The following MBIP variants were observed in gnomAD, a reference collection of about 807,000 sequenced individuals.
MBIP encodes the protein MAP3K12-binding inhibitory protein 1.
Under a neutral mutation model 45.7 loss-of-function variants are expected in MBIP, and 32 were observed. That is an observed-to-expected ratio of 0.70 (90% CI 0.53 to 0.94). MBIP has a LOEUF of 0.94. Among genes scored for constraint, MBIP ranks in the 40% least tolerant of loss-of-function variants. The pLI is 0.00. For synonymous variants in MBIP, 145 were observed against 141.0 expected (o/e 1.03, Z -0.20); for missense variants, 381 against 405.5 (o/e 0.94, Z 0.52).
At chr14:36,312,542 T>C (rs992300515) in intron 4 of MBIP, among the ~76,000 whole-genome samples, 23 of 152,124 alleles carry the variant, frequency 1.5e-4, no homozygotes, top group African/African-American at 5.5e-4. Flanking sequence ...TCTACCTAGA[T>C]TTCCAGTGCT....
At chr14:36,301,842 A>G (rs551744952) in intron 7 of MBIP, among the ~76,000 whole-genome samples, 4 of 152,360 alleles carry the variant, frequency 2.6e-5, no homozygotes, top group African/African-American at 9.6e-5. Flanking sequence ...GCAAATTAGT[A>G]AATGAGTATA....
chr14:36,318,954 A>G (rs1880731392), intron 1 of MBIP, among the ~76,000 whole-genome samples: 1 of 152,090 alleles, frequency 6.6e-6, no homozygotes, highest in African/African-American at 2.4e-5. Flanking sequence ...AAACAATCAT[A>G]TTTTTGACAC....
At chr14:36,315,060 T>C (rs1441453184) in intron 2 of MBIP, 145 bp from the exon 3 acceptor site, 3 of 605,804 alleles carry the variant, frequency 5.0e-6, no homozygotes, top group African/African-American at 3.7e-5. Context: ...CCAGGACACA[T>C]AGATCTGACC....
In MBIP at chr14:36,316,851, C is replaced by A. The variant is rs1270312846; in HGVS notation, c.130-39G>T. 4.4e-6 allele frequency: 7 copies of A among 1,577,538 alleles called. No homozygotes were observed. In the East Asian group the frequency reaches 1.6e-4, roughly 36 times the overall value. ...AACCAGCAACATCACAAAAATTACA[C>A]GATTAAGCTCTACATATGGAATTGT... is the stretch of plus-strand genomic sequence containing the variant. On this transcript the variant is annotated intron_variant, in intron 1 of 8. Transcript: ENST00000416007.
chr14:36,320,530 C>G lies in MBIP; in HGVS notation c.59G>C (p.Arg20Thr). 6.2e-7 allele frequency: 1 copy of G among 1,613,802 alleles called. No individual in the cohort carries two copies. Among genetic ancestry groups the G allele is most frequent in the Non-Finnish European group, 8.5e-7 (1 of 1,179,854 alleles). The change falls in exon 1 of 9, where the codon AGA becomes ACA. Residue 20 changes from arginine to threonine, a missense_variant. Transcript: ENST00000416007. ...CTCTCGGGAGAGGTTGGGTCTGCAT[C>G]TTCGCTCCAGGTTCCTGTCACCGCT... is the stretch of plus-strand genomic sequence containing the variant. ...PSSGDRNLER[R>T]CRPNLSREVL...
chr14:36,307,087 C>A (rs971324890), intron 7 of MBIP, among the ~76,000 whole-genome samples: 2 of 152,174 alleles, frequency 1.3e-5, no homozygotes, highest in Non-Finnish European at 2.9e-5. Context: ...TTAGTATTTT[C>A]ATAAACCTCA....
At chr14:36,300,199 T>C (rs996599158) in intron 8 of MBIP, among the ~76,000 whole-genome samples, 2 of 152,110 alleles carry the variant, frequency 1.3e-5, no homozygotes, top group African/African-American at 4.8e-5. Context: ...ACTTAGAAAT[T>C]CTCTCTTGAG....
intron 6 of MBIP, among the ~76,000 whole-genome samples, chr14:36,310,447 T>C: frequency 6.6e-6 from 1 of 152,214 alleles, no homozygotes; most frequent in East Asian, 1.9e-4. Flanking sequence ...CATCATCCCT[T>C]GACCTACCCT....
At chr14:36,314,636 A>C (rs1880444216) in intron 3 of MBIP, 28 bp from the exon 4 acceptor site, 1 of 1,606,466 alleles carries the variant, frequency 6.2e-7, no homozygotes, top group African/African-American at 1.3e-5. Flanking sequence ...TAACAGTGTA[A>C]ACATAAGATT....
chr14:36,310,640 T>G (rs1457768299), intron 6 of MBIP, among the ~76,000 whole-genome samples: 8 of 152,120 alleles, frequency 5.3e-5, no homozygotes, highest in Non-Finnish European at 1.2e-4. Context: ...AGACAGACAT[T>G]AAACAAACAG....
chr14:36,320,360 C>T, intron 1 of MBIP, 100 bp downstream of exon 1: 1 of 1,555,706 alleles, frequency 6.4e-7, no homozygotes, highest in African/African-American at 1.4e-5. Flanking sequence ...CATCCCACAC[C>T]TCTGCAGGCC....
intron 5 of MBIP, 26 bp from the exon 6 acceptor site, chr14:36,311,751 T>C (rs760633747): frequency 1.9e-6 from 3 of 1,543,086 alleles, no homozygotes; most frequent in South Asian, 1.2e-5. Flanking sequence ...TTTGAGCCTA[T>C]ATACATTTGT....
intron 6 of MBIP, among the ~76,000 whole-genome samples, chr14:36,309,824 C>G (rs1006221908): frequency 3.8e-4 from 58 of 152,264 alleles, no homozygotes; most frequent in Admixed American, 5.9e-4. Flanking sequence ...TTTTTTGGGA[C>G]AGACTCTCAC....
intron 8 of MBIP, 138 bp downstream of exon 8, chr14:36,300,647 T>C (rs1366695547): frequency 1.4e-5 from 8 of 563,346 alleles, no homozygotes; most frequent in Non-Finnish European, 2.2e-5. Context: ...TGTATTAGTT[T>C]ATACTGCCCT....
At chr14:36,303,014 G>A (rs1038462407) in intron 7 of MBIP, among the ~76,000 whole-genome samples, 2 of 152,180 alleles carry the variant, frequency 1.3e-5, no homozygotes, top group Non-Finnish European at 1.5e-5. Context: ...GTAAACACCC[G>A]ATACTCTACA....
At chr14:36,316,245 T>C (rs1407805698) in intron 2 of MBIP, among the ~76,000 whole-genome samples, 1 of 152,152 alleles carries the variant, frequency 6.6e-6, no homozygotes, top group African/African-American at 2.4e-5. Flanking sequence ...TTTTAAAAAC[T>C]ATGCTGAAAC....
chr14:36,308,302 A>C, intron 6 of MBIP, 113 bp from the exon 7 acceptor site: 1 of 600,584 alleles, frequency 1.7e-6, no homozygotes, highest in Non-Finnish European at 2.9e-6. Flanking sequence ...GAAAATACTT[A>C]AGAAAATAAA....
intron 8 of MBIP, among the ~76,000 whole-genome samples, chr14:36,299,636 T>C (rs1322296581): frequency 5.3e-5 from 8 of 152,034 alleles, no homozygotes; most frequent in Admixed American, 4.6e-4. Flanking sequence ...TGAAAAACCC[T>C]TGAGCTTAAG....
At chr14:36,317,369 TTC>T (rs1303215840) in intron 1 of MBIP, among the ~76,000 whole-genome samples, 19 of 152,310 alleles carry the variant, frequency 1.2e-4, no homozygotes, top group African/African-American at 4.6e-4. Context: ...GTCAAGATTA[TTC>T]ATACATATAA....
Sources: allele counts gnomAD v4.1 joint callset (sites outside exome capture counted in the v4.1 genomes callset), GRCh38; gene constraint gnomAD v4.1.1; transcripts MANE v1.5; gene names NCBI Gene and HGNC (gene_info 2026-07-23, HGNC 2026-07-21).